FGD3: variants seen among roughly 807,000 people sequenced by gnomAD.
FGD3 encodes the protein FYVE, RhoGEF and PH domain containing 3.
In FGD3, 45 loss-of-function variants were observed where a neutral mutation model predicts 71.8. The observed-to-expected ratio is 0.63, with a 90% CI of 0.49 to 0.80. The LOEUF is 0.80. FGD3 is among the 30% of genes least tolerant of loss of function. FGD3 has a pLI of 0.00. For missense variants in FGD3, 844 were observed against 951.5 expected (o/e 0.89, Z 1.49); for synonymous variants, 378 against 392.8 (o/e 0.96, Z 0.44).
At chr9:92,970,224 G>A (rs548585699) in intron 1 of FGD3, among the ~76,000 whole-genome samples, 1 of 152,334 alleles carries the variant, frequency 6.6e-6, no homozygotes. Context: ...GGACAGAAAC[G>A]TCCCCTGCGA....
chr9:93,033,272 C>T, intron 16 of FGD3: 1 of 309,442 alleles, frequency 3.2e-6, no homozygotes, highest in African/African-American at 2.2e-5. Context: ...GCCCTGGAGG[C>T]AGGCACCCCC....
Position 93,034,447 on chromosome 9 carries a change from C to G in FGD3, c.1786-94C>G, listed in dbSNP as rs571979214. ...GCCATGTCTCCACAGCCAGCTCCCCCCAAGCAGTGGCCCTGGCCCTACCCC... is the reference window on the plus strand; with the variant it reads ...GCCATGTCTCCACAGCCAGCTCCCCGCAAGCAGTGGCCCTGGCCCTACCCC... On this transcript the variant is annotated intron_variant, in intron 16 of 17. Coordinates refer to ENST00000375482, the MANE Select transcript of FGD3 (RefSeq NM_001083536.2). The G allele has an allele frequency of 8.0e-5, 117 of 1,456,806 alleles. 1 individual carries two copies. The South Asian group carries it at 8.2e-4, about 10-fold the overall frequency. The allele number at this position is 1,456,806 out of a possible 1,614,324, so 90.2% of individuals were successfully genotyped here. A position where few individuals can be genotyped will look rare whatever the true frequency, so the allele number is the denominator to read the frequency against.
intron 3 of FGD3, among the ~76,000 whole-genome samples, chr9:92,987,077 C>T (rs1860214420): frequency 6.6e-6 from 1 of 152,166 alleles, no homozygotes; most frequent in Non-Finnish European, 1.5e-5. Flanking sequence ...TTTCAGAACA[C>T]ACACAGAGAA....
intron 8 of FGD3, among the ~76,000 whole-genome samples, chr9:93,012,398 A>C (rs1265620908): frequency 1.3e-5 from 2 of 152,104 alleles, no homozygotes; most frequent in African/African-American, 2.4e-5. Context: ...TGCCCCACAA[A>C]GTGGTCCCCG....
Position 92,988,118 on chromosome 9 carries a change from G to A in FGD3, c.453+11409G>A, listed in dbSNP as rs142338276. The stretch of plus-strand genomic sequence containing the variant: ...GGACACATTGAAGGGTGAGGAGGGC[G>A]GATTTATTAGACAAAAAGAAAGCTC... On this transcript the variant is annotated intron_variant, in intron 3 of 17. Coordinates refer to ENST00000375482, the MANE Select transcript of FGD3 (RefSeq NM_001083536.2). Among the ~76,000 whole-genome samples, 122 of 152,260 alleles carry A rather than the reference G, an allele frequency of 8.0e-4. 2 individuals are homozygous for A. The East Asian group carries it at 0.013, about 17-fold the overall frequency.
At position 92,976,207 on chromosome 9, in the gene FGD3, G is replaced by A. The variant is rs1304651764; in HGVS notation, c.-49-1G>A. On this transcript the variant is annotated splice_acceptor_variant, in intron 2 of 17. Coordinates refer to ENST00000375482, the MANE Select transcript of FGD3 (RefSeq NM_001083536.2). LOFTEE classifies it low-confidence loss of function (5UTR_SPLICE). ...GACTCTGGCTTGTTTCTCCCCTACA[G>A]GAAGCCCCTGGCCAGCCTCCACCTG... is the stretch of plus-strand genomic sequence containing the variant. The A allele has an allele frequency of 6.9e-6, 10 of 1,454,046 alleles. No individual in the cohort carries two copies. Among genetic ancestry groups the A allele is most frequent in the Non-Finnish European group, 8.2e-6 (9 of 1,094,264 alleles). 90.1% of individuals were successfully genotyped at this position (1,454,046 alleles called of 1,614,324 possible).
intron 1 of FGD3, among the ~76,000 whole-genome samples, chr9:92,966,556 C>T (rs966388707): frequency 9.9e-5 from 15 of 152,264 alleles, no homozygotes; most frequent in African/African-American, 1.7e-4. Context: ...GTGGGGGCAC[C>T]GCAGACTCAG....
chr9:93,030,305 A>C (rs557538322), intron 15 of FGD3, among the ~76,000 whole-genome samples: 2 of 152,328 alleles, frequency 1.3e-5, no homozygotes, highest in African/African-American at 4.8e-5. Flanking sequence ...GATAGTCCTC[A>C]TTCCTTGCAA....
At chr9:93,015,978 C>T (rs1861666747) in intron 10 of FGD3, 149 bp downstream of exon 10, 1 of 689,102 alleles carries the variant, frequency 1.5e-6, no homozygotes, top group Non-Finnish European at 2.5e-6. Context: ...TATCTGTGAC[C>T]AAGGCATTGT....
Position 93,029,876 on chromosome 9 carries a change from C to T in FGD3, c.1560C>T (p.Leu520=), listed in dbSNP as rs546814653. The T allele has an allele frequency of 1.1e-5, 18 of 1,612,330 alleles. No homozygotes were observed. The highest frequency in any genetic ancestry group is 1.0e-4 in the Admixed American group (6 of 59,972). ...GGCATCTATTTGCCTCCTTATAGCT[C>T]GAGCCCAGAAAACTATCCTCTAAGA... ...TTEGSSGAAG[L]EPRKLSSKTR... is the part of the protein sequence containing the mutation. The change falls in exon 15 of 18, where the codon CTC becomes CTT. Residue 520 remains leucine (L), a splice_region_variant and synonymous_variant. Transcript: ENST00000375482.
chr9:92,952,701 C>G (rs921586519), intron 1 of FGD3, among the ~76,000 whole-genome samples: 1 of 151,728 alleles, frequency 6.6e-6, no homozygotes, highest in African/African-American at 2.4e-5. Context: ...TCCCTTCTTT[C>G]TCTCTTTCCT....
chr9:93,029,420 G>A (rs1272497297), intron 14 of FGD3, among the ~76,000 whole-genome samples: 1 of 152,172 alleles, frequency 6.6e-6, no homozygotes, highest in Non-Finnish European at 1.5e-5. Context: ...TGGCGTGCCT[G>A]GAGGGTGTGG....
chr9:92,951,651 G>C (rs191808231), intron 1 of FGD3, among the ~76,000 whole-genome samples: 16 of 152,260 alleles, frequency 1.1e-4, no homozygotes, highest in African/African-American at 3.9e-4. Context: ...CTCTAGCCTG[G>C]GTGACAGAGC....
At position 93,035,733 on chromosome 9, in the gene FGD3, A is replaced by G. The variant is rs1862576670; in HGVS notation, c.*144A>G. On this transcript the variant is annotated 3_prime_UTR_variant, in exon 18 of 18. Transcript: ENST00000375482. ...CTCAGGACACTTGGCTTTGGGGGGA[A>G]GGAAACTGAGGCCCAGAGAGGGGCA... 1.3e-5 allele frequency: 16 copies of G among 1,252,974 alleles called. No homozygotes were observed. The South Asian group carries it at 2.5e-4, about 20-fold the overall frequency. 77.6% of individuals were successfully genotyped at this position (1,252,974 alleles called of 1,614,324 possible). A position where few individuals can be genotyped will look rare whatever the true frequency, so the allele number is the denominator to read the frequency against.
intron 3 of FGD3, among the ~76,000 whole-genome samples, chr9:92,998,075 G>A (rs1210473230): frequency 6.6e-6 from 1 of 152,146 alleles, no homozygotes; most frequent in Non-Finnish European, 1.5e-5. Context: ...TTCCAACTTG[G>A]TTCCATTCTC....
chr9:92,992,245 T>C lies in FGD3; in HGVS notation c.454-10680T>C, dbSNP rs556740637. ...TTTGTTACTTCTTCTCATTATTTAT[T>C]TTTGTAGTTGGGTGGTTTTCTGCAG... On this transcript the variant is annotated intron_variant, in intron 3 of 17. Coordinates refer to ENST00000375482, the MANE Select transcript of FGD3 (RefSeq NM_001083536.2). 3.9e-5 allele frequency among the ~76,000 whole-genome samples: 6 copies of C among 152,328 alleles called. No homozygotes were observed. The East Asian group carries it at 9.6e-4, about 24-fold the overall frequency.
Position 93,022,398 on chromosome 9 carries a change from C to G in FGD3, c.1557+9C>G, listed in dbSNP as rs766709982. 7.4e-6 allele frequency: 12 copies of G among 1,611,420 alleles called. No homozygotes were observed. The African/African-American group carries it at 1.5e-4, about 20-fold the overall frequency. ...GTTCGGGTGCAGCAGGGGTAAGTGC[C>G]CCATGCTCAGCGGTCAGCAGGGGTG... is the stretch of plus-strand genomic sequence containing the variant. On this transcript the variant is annotated intron_variant, in intron 14 of 17. Coordinates refer to ENST00000375482, the MANE Select transcript of FGD3 (RefSeq NM_001083536.2).
At chr9:92,970,611 G>C (rs1356888353) in intron 1 of FGD3, among the ~76,000 whole-genome samples, 2 of 152,224 alleles carry the variant, frequency 1.3e-5, no homozygotes, top group African/African-American at 4.8e-5. Context: ...TTAGTCTCAA[G>C]CCTGCATAGC....
chr9:92,987,381 G>A (rs560159722), intron 3 of FGD3, among the ~76,000 whole-genome samples: 22 of 150,376 alleles, frequency 1.5e-4, no homozygotes, highest in African/African-American at 4.9e-4. Context: ...GCAGAGAGCC[G>A]AGATAGTGCC....
Sources: allele counts gnomAD v4.1 joint callset (sites outside exome capture counted in the v4.1 genomes callset), GRCh38; gene constraint gnomAD v4.1.1; transcripts MANE v1.5; gene names NCBI Gene and HGNC (gene_info 2026-07-23, HGNC 2026-07-21).